KCTD8: variants seen among roughly 807,000 people sequenced by gnomAD.
KCTD8 encodes the protein potassium channel tetramerization domain containing 8.
KCTD8 carries 27 observed loss-of-function variants against 31.5 expected under a neutral mutation model. That is an observed-to-expected ratio of 0.86 (90% CI 0.63 to 1.18). The LOEUF (loss-of-function observed/expected upper bound fraction) is 1.18. Ranked by LOEUF, KCTD8 falls within the 50% of genes most tolerant of loss-of-function variation. The pLI is 0.00. For missense variants in KCTD8, 658 were observed against 647.7 expected (o/e 1.02, Z -0.17); for synonymous variants, 290 against 280.0 (o/e 1.04, Z -0.36).
At chr4:44,318,296 T>C (rs1474052563) in intron 1 of KCTD8, among the ~76,000 whole-genome samples, 1 of 152,160 alleles carries the variant, frequency 6.6e-6, no homozygotes, top group Non-Finnish European at 1.5e-5. Flanking sequence ...AGTGGTGCAA[T>C]GATAGCACAC....
chr4:44,316,303 T>C (rs1358781370), intron 1 of KCTD8, among the ~76,000 whole-genome samples: 1 of 152,160 alleles, frequency 6.6e-6, no homozygotes, highest in African/African-American at 2.4e-5. Context: ...TAGATTCAAT[T>C]TACACCTAAA....
chr4:44,366,440 TCTG>T (rs949943222), intron 1 of KCTD8, among the ~76,000 whole-genome samples: 14 of 152,220 alleles, frequency 9.2e-5, no homozygotes, highest in African/African-American at 3.4e-4. Flanking sequence ...CTCTCTATTT[TCTG>T]CTGCCATGTG....
At chr4:44,314,665 A>T (rs909499577) in intron 1 of KCTD8, among the ~76,000 whole-genome samples, 2 of 152,142 alleles carry the variant, frequency 1.3e-5, no homozygotes, top group African/African-American at 4.8e-5. Flanking sequence ...TATATGCATA[A>T]ACATGCACAT....
At chr4:44,402,586 T>C (rs986607411) in intron 1 of KCTD8, among the ~76,000 whole-genome samples, 3 of 152,136 alleles carry the variant, frequency 2.0e-5, no homozygotes, top group African/African-American at 7.2e-5. Context: ...CTAATAAAAC[T>C]TGAGTTTCAA....
chr4:44,269,797 C>T (rs35203016), intron 1 of KCTD8, among the ~76,000 whole-genome samples: 56,688 of 151,296 alleles, frequency 0.37, 10,738 homozygotes, highest in East Asian at 0.63. Context: ...AAAATGCTCA[C>T]CATCACTGGC....
chr4:44,355,108 A>C (rs1435962464), intron 1 of KCTD8, among the ~76,000 whole-genome samples: 1 of 152,150 alleles, frequency 6.6e-6, no homozygotes, highest in Non-Finnish European at 1.5e-5. Context: ...ATTGAGAAGA[A>C]TTCAGTACTG....
chr4:44,354,800 C>A (rs1210968531), intron 1 of KCTD8, among the ~76,000 whole-genome samples: 1 of 152,032 alleles, frequency 6.6e-6, no homozygotes, highest in Non-Finnish European at 1.5e-5. Context: ...ATCATAGATA[C>A]AGTATAAATT....
chr4:44,263,602 C>T (rs1238921556), intron 1 of KCTD8, among the ~76,000 whole-genome samples: 1 of 151,900 alleles, frequency 6.6e-6, no homozygotes. Context: ...CAGGAAAGAA[C>T]AGGAAAGAAT....
At chr4:44,176,572 G>T (rs1713221572) in intron 1 of KCTD8, among the ~76,000 whole-genome samples, 1 of 152,120 alleles carries the variant, frequency 6.6e-6, no homozygotes, top group African/African-American at 2.4e-5. Context: ...GTGCAACACT[G>T]CTGGTTTCTA....
intron 1 of KCTD8, among the ~76,000 whole-genome samples, chr4:44,219,150 T>A (rs1240770817): frequency 6.6e-6 from 1 of 152,196 alleles, no homozygotes; most frequent in African/African-American, 2.4e-5. Flanking sequence ...TTATTCCCAA[T>A]CCATTATTTT....
intron 1 of KCTD8, among the ~76,000 whole-genome samples, chr4:44,183,870 T>C (rs997884970): frequency 6.6e-6 from 1 of 152,214 alleles, no homozygotes; most frequent in Non-Finnish European, 1.5e-5. Flanking sequence ...CCTTTAATAG[T>C]ACTAAACTCA....
At chr4:44,287,061 C>T (rs1717100850) in intron 1 of KCTD8, among the ~76,000 whole-genome samples, 1 of 152,022 alleles carries the variant, frequency 6.6e-6, no homozygotes, top group African/African-American at 2.4e-5. Context: ...AGCAGAAACA[C>T]TTTTCTAATT....
intron 1 of KCTD8, among the ~76,000 whole-genome samples, chr4:44,375,474 A>G (rs568231557): frequency 6.6e-6 from 1 of 152,278 alleles, no homozygotes; most frequent in East Asian, 1.9e-4. Context: ...AGGCATCAAG[A>G]GATTGCTGTG....
chr4:44,300,717 CT>C (rs201267686), intron 1 of KCTD8, among the ~76,000 whole-genome samples: 17 of 151,762 alleles, frequency 1.1e-4, no homozygotes, highest in East Asian at 7.8e-4. Context: ...AATAAGAACT[CT>C]TTTTTTTATT....
At position 44,411,205 on chromosome 4, in the gene KCTD8, C is replaced by T. The variant is rs76001135; in HGVS notation, c.961+36358G>A. 4.3e-3 allele frequency among the ~76,000 whole-genome samples: 649 copies of T among 152,008 alleles called. 3 individuals carry two copies. Among genetic ancestry groups the T allele is most frequent in the Non-Finnish European group, 7.3e-3 (497 of 67,956 alleles). On this transcript the variant is annotated intron_variant, in intron 1 of 1. Coordinates refer to ENST00000360029, the MANE Select transcript of KCTD8 (RefSeq NM_198353.3). ...CAAAAGTGGGCCAGGTATAGTGGCT[C>T]ATGCCCATCTCTACAAAAAGTAGTT... is the stretch of plus-strand genomic sequence containing the variant.
intron 1 of KCTD8, among the ~76,000 whole-genome samples, chr4:44,403,420 C>T (rs992037624): frequency 8.4e-5 from 6 of 71,394 alleles, no homozygotes; most frequent in African/African-American, 2.4e-4. Context: ...TTTACTAGGG[C>T]TACCATTAAA....
chr4:44,339,622 T>C (rs1215345595), intron 1 of KCTD8, among the ~76,000 whole-genome samples: 1 of 152,110 alleles, frequency 6.6e-6, no homozygotes, highest in Non-Finnish European at 1.5e-5. Context: ...TCTCAGTAAT[T>C]AACACAACAA....
chr4:44,389,726 A>T (rs1445472042), intron 1 of KCTD8, among the ~76,000 whole-genome samples: 2 of 151,922 alleles, frequency 1.3e-5, no homozygotes, highest in African/African-American at 4.8e-5. Context: ...AATAGTTCAG[A>T]TGGTAAATTT....
intron 1 of KCTD8, among the ~76,000 whole-genome samples, chr4:44,337,116 A>T (rs2109416193): frequency 1.3e-5 from 2 of 152,292 alleles, no homozygotes; most frequent in South Asian, 4.1e-4. Context: ...AACCTAACTA[A>T]CAATCAATTA....
Sources: gnomAD v4.1 joint callset for allele counts (sites outside exome capture counted in the v4.1 genomes callset) on GRCh38, gnomAD v4.1.1 for gene constraint, MANE v1.5 for transcripts, NCBI Gene and HGNC (gene_info 2026-07-23, HGNC 2026-07-21) for gene names.